Variants in SH3RF3 observed in about 807,000 individuals in gnomAD.
The protein encoded by SH3RF3 is E3 ubiquitin-protein ligase SH3RF3.
Under a neutral mutation model 66.3 loss-of-function variants are expected in SH3RF3, and 29 were observed. The observed-to-expected ratio is 0.44, with a 90% CI of 0.33 to 0.60. The LOEUF is 0.60. SH3RF3 is among the 20% of genes least tolerant of loss of function. SH3RF3 has a pLI of 0.04. For synonymous variants in SH3RF3, 583 were observed against 532.0 expected (o/e 1.10, Z -1.32); for missense variants, 1,194 against 1,190.9 (o/e 1.00, Z -0.04).
intron 1 of SH3RF3, chr2:109,251,359 G>A (rs997408021): frequency 3.0e-5 from 18 of 593,430 alleles, no homozygotes; most frequent in Admixed American, 1.7e-4. Flanking sequence ...GGCCTGCCGC[G>A]GGAGCATGAG....
Position 109,449,162 on chromosome 2 carries a change from G to C in SH3RF3, c.1829-8G>C. On this transcript the variant is annotated splice_region_variant and splice_polypyrimidine_tract_variant and intron_variant, in intron 7 of 9. Coordinates refer to ENST00000309415, the MANE Select transcript of SH3RF3 (RefSeq NM_001099289.3). The stretch of plus-strand genomic sequence containing the variant: ...TTCAACCTGCTGTCTCTCCAACCCC[G>C]TCTCCAGCTGCCCACTCTGCAGCCC... The C allele has an allele frequency of 6.2e-7, 1 of 1,612,330 alleles. No individual in the cohort carries two copies. The highest frequency in any genetic ancestry group is 8.5e-7 in the Non-Finnish European group (1 of 1,179,330).
At chr2:109,392,032 T>C (rs936829259) in intron 3 of SH3RF3, among the ~76,000 whole-genome samples, 1 of 152,030 alleles carries the variant, frequency 6.6e-6, no homozygotes, top group Non-Finnish European at 1.5e-5. Flanking sequence ...CCCAGGCTGA[T>C]CTCGAACTCC....
intron 3 of SH3RF3, among the ~76,000 whole-genome samples, chr2:109,390,454 C>T (rs1675955115): frequency 1.3e-5 from 2 of 152,242 alleles, no homozygotes; most frequent in South Asian, 4.1e-4. Context: ...TTATTTAGTC[C>T]TGGAATCTTC....
intron 3 of SH3RF3, among the ~76,000 whole-genome samples, chr2:109,397,143 A>G (rs1419253324): frequency 2.0e-5 from 3 of 152,158 alleles, no homozygotes; most frequent in African/African-American, 7.2e-5. Flanking sequence ...CCTGGCAGAC[A>G]GAATGTGCCA....
chr2:109,354,806 A>G (rs1254929665), intron 2 of SH3RF3, among the ~76,000 whole-genome samples: 1 of 152,254 alleles, frequency 6.6e-6, no homozygotes, highest in Non-Finnish European at 1.5e-5. Context: ...TGGAAGTGAA[A>G]ACACAGACTT....
intron 1 of SH3RF3, among the ~76,000 whole-genome samples, chr2:109,304,629 G>A (rs1681550031): frequency 6.6e-6 from 1 of 152,170 alleles, no homozygotes; most frequent in Non-Finnish European, 1.5e-5. Flanking sequence ...AGCTATTTGA[G>A]TTTGTATTTA....
intron 8 of SH3RF3, among the ~76,000 whole-genome samples, chr2:109,459,527 C>T (rs534684391): frequency 3.9e-5 from 6 of 152,196 alleles, no homozygotes; most frequent in African/African-American, 1.2e-4. Flanking sequence ...TGATTGAGAG[C>T]GTGCTAGGAG....
chr2:109,340,456 A>C (rs1245337195), intron 1 of SH3RF3, among the ~76,000 whole-genome samples: 2 of 152,202 alleles, frequency 1.3e-5, no homozygotes, highest in African/African-American at 4.8e-5. Context: ...CCCAAGGACC[A>C]TGCATTGGTT....
intron 3 of SH3RF3, among the ~76,000 whole-genome samples, chr2:109,392,188 G>T (rs1006025268): frequency 6.6e-6 from 1 of 152,158 alleles, no homozygotes; most frequent in Admixed American, 6.5e-5. Context: ...ATAGTCAAGG[G>T]CATAGGTATA....
chr2:109,176,692 G>A (rs1330365574), intron 1 of SH3RF3, among the ~76,000 whole-genome samples: 2 of 152,124 alleles, frequency 1.3e-5, no homozygotes, highest in East Asian at 3.9e-4. Context: ...AGCTATGATG[G>A]TGTCACCGCA....
chr2:109,306,050 TACTG>T (rs1681589010), intron 1 of SH3RF3, among the ~76,000 whole-genome samples: 1 of 152,216 alleles, frequency 6.6e-6, no homozygotes, highest in Non-Finnish European at 1.5e-5. Flanking sequence ...GCTGGGCTCT[TACTG>T]GCAGCGACAG....
At chr2:109,336,629 A>C (rs1049574567) in intron 1 of SH3RF3, among the ~76,000 whole-genome samples, 8 of 152,266 alleles carry the variant, frequency 5.3e-5, no homozygotes, top group Admixed American at 5.2e-4. Flanking sequence ...GCAGCAAACC[A>C]GGAGAGCATT....
intron 1 of SH3RF3, among the ~76,000 whole-genome samples, chr2:109,243,450 C>G (rs915627855): frequency 6.6e-6 from 1 of 152,184 alleles, no homozygotes; most frequent in Non-Finnish European, 1.5e-5. Flanking sequence ...AAGGGATTTT[C>G]GTATTCTCCT....
chr2:109,272,295 T>C (rs1680645691), intron 1 of SH3RF3, among the ~76,000 whole-genome samples: 7 of 152,238 alleles, frequency 4.6e-5, no homozygotes, highest in Admixed American at 4.6e-4. Flanking sequence ...GTCTTGGAGC[T>C]GATGGCTACA....
intron 1 of SH3RF3, among the ~76,000 whole-genome samples, chr2:109,152,367 A>G (rs1201908556): frequency 6.6e-6 from 1 of 152,072 alleles, no homozygotes; most frequent in African/African-American, 2.4e-5. Flanking sequence ...AATCCCTCTT[A>G]TATTGCTTTT....
chr2:109,152,424 A>T (rs973235049), intron 1 of SH3RF3, among the ~76,000 whole-genome samples: 1 of 152,222 alleles, frequency 6.6e-6, no homozygotes, highest in African/African-American at 2.4e-5. Context: ...CTGGGCTCCG[A>T]TCTCAAGTTG....
chr2:109,498,148 C>T (rs1679299089), intron 9 of SH3RF3, among the ~76,000 whole-genome samples: 1 of 152,206 alleles, frequency 6.6e-6, no homozygotes, highest in South Asian at 2.1e-4. Context: ...TCCGCCTGCC[C>T]TCCTTCCTTC....
chr2:109,234,693 A>ATCTC (rs969710214), intron 1 of SH3RF3, among the ~76,000 whole-genome samples: 2 of 152,246 alleles, frequency 1.3e-5, no homozygotes, highest in African/African-American at 4.8e-5. Flanking sequence ...GCTGATGAGA[A>ATCTC]GAGAGTGAGG....
At chr2:109,216,286 GAAGGGGATTA>G (rs974576886) in intron 1 of SH3RF3, among the ~76,000 whole-genome samples, 1 of 152,206 alleles carries the variant, frequency 6.6e-6, no homozygotes, top group Non-Finnish European at 1.5e-5. Context: ...GACTTAAAGG[GAAGGGGATTA>G]AAGGAAATAG....
Sources: allele counts gnomAD v4.1 joint callset (sites outside exome capture counted in the v4.1 genomes callset), GRCh38; gene constraint gnomAD v4.1.1; transcripts MANE v1.5; gene names NCBI Gene and HGNC (gene_info 2026-07-23, HGNC 2026-07-21).